The following COL4A1 variants were observed in gnomAD, a reference collection of about 807,000 sequenced individuals.
The protein encoded by COL4A1 is collagen type IV alpha 1 chain, also known as collagen alpha-1(IV) chain.
A neutral mutation model predicts 216.6 loss-of-function variants in COL4A1; 40 were observed. The observed-to-expected ratio is 0.18, with a 90% CI of 0.14 to 0.24. COL4A1 has a LOEUF of 0.24. COL4A1 is among the 10% of genes least tolerant of loss of function. COL4A1 has a pLI of 1.00. For missense variants in COL4A1, 1,628 were observed against 2,196.8 expected (o/e 0.74, Z 5.18); for synonymous variants, 839 against 810.7 (o/e 1.03, Z -0.59).
At chr13:110,233,217 C>T (rs762017514) in intron 2 of COL4A1, among the ~76,000 whole-genome samples, 2 of 152,092 alleles carry the variant, frequency 1.3e-5, no homozygotes, top group Non-Finnish European at 2.9e-5. Flanking sequence ...AATGTGGGAA[C>T]GCACACTGAT....
chr13:110,294,419 C>T (rs964609776), intron 1 of COL4A1, among the ~76,000 whole-genome samples: 1 of 152,214 alleles, frequency 6.6e-6, no homozygotes, highest in Non-Finnish European at 1.5e-5. Context: ...CTGTCCACAG[C>T]CTCCCTCCCA....
chr13:110,234,398 AT>A (rs1189960115), intron 2 of COL4A1, among the ~76,000 whole-genome samples: 1 of 152,144 alleles, frequency 6.6e-6, no homozygotes, highest in African/African-American at 2.4e-5. Flanking sequence ...CCTGGCCAAC[AT>A]GGTGAAACCC....
chr13:110,216,562 C>T (rs576005051), intron 2 of COL4A1, among the ~76,000 whole-genome samples: 27 of 152,274 alleles, frequency 1.8e-4, no homozygotes, highest in African/African-American at 6.0e-4. Flanking sequence ...TGGGCAGTAT[C>T]GCCATGAGAC....
intron 20 of COL4A1, 57 bp from the exon 21 acceptor site, chr13:110,198,688 A>T (rs1198327119): frequency 6.2e-7 from 1 of 1,604,548 alleles, no homozygotes; most frequent in African/African-American, 1.3e-5. Flanking sequence ...CAACTACAGC[A>T]TAAACTCATT....
intron 40 of COL4A1, 127 bp downstream of exon 40, chr13:110,173,773 T>C: frequency 9.9e-7 from 1 of 1,013,018 alleles, no homozygotes; most frequent in Non-Finnish European, 1.5e-6. Flanking sequence ...AGTGTTTAAG[T>C]AGTTGCAGGG....
intron 39 of COL4A1, 46 bp from the exon 40 acceptor site, chr13:110,174,044 C>T (rs1877764249): frequency 6.3e-7 from 1 of 1,599,470 alleles, no homozygotes; most frequent in Non-Finnish European, 8.6e-7. Context: ...CCTCTCACAG[C>T]ACCCTAGCTG....
chr13:110,302,743 A>C (rs1884544383), intron 1 of COL4A1, among the ~76,000 whole-genome samples: 1 of 152,230 alleles, frequency 6.6e-6, no homozygotes, highest in Non-Finnish European at 1.5e-5. Context: ...TTTTCATTGT[A>C]TGCATAAGAA....
At chr13:110,199,210 G>A (rs1259726839) in intron 20 of COL4A1, among the ~76,000 whole-genome samples, 1 of 152,242 alleles carries the variant, frequency 6.6e-6, no homozygotes, top group Non-Finnish European at 1.5e-5. Context: ...TTGAGAGAGT[G>A]GTGGTGCAGG....
chr13:110,195,242 G>T (rs568964025), intron 21 of COL4A1, 124 bp from the exon 22 acceptor site: 1 of 819,006 alleles, frequency 1.2e-6, no homozygotes, highest in Non-Finnish European at 2.1e-6. Context: ...TTCAGCTTTA[G>T]TTTGTTTCAA....
In COL4A1 at chr13:110,205,476, C is replaced by T. The variant is rs482757; in HGVS notation, c.903+18G>A. The T allele has an allele frequency of 0.63, 1,017,195 of 1,612,206 alleles. 325,047 individuals carry two copies. Among genetic ancestry groups the T allele is most frequent in the East Asian group, 0.77 (34,681 of 44,868 alleles). ...GGAACAGTGAGCCTGCTTGTAAAAA[C>T]CACAGAGAAACACTTACGGGACTCC... On this transcript the variant is annotated intron_variant, in intron 16 of 51. Transcript: ENST00000375820.
chr13:110,220,793 G>T (rs16975624), intron 2 of COL4A1, among the ~76,000 whole-genome samples: 4 of 152,064 alleles, frequency 2.6e-5, no homozygotes, highest in Non-Finnish European at 4.4e-5. Flanking sequence ...TCTCCTGGCC[G>T]AAAGAACAGT....
chr13:110,252,264 A>G (rs1277220898), intron 1 of COL4A1, among the ~76,000 whole-genome samples: 16 of 151,628 alleles, frequency 1.1e-4, no homozygotes, highest in Admixed American at 2.6e-4. Flanking sequence ...CCTCAGGTGA[A>G]CCACCCACCT....
Position 110,174,484 on chromosome 13 carries a change from G to C in COL4A1, c.3368C>G (p.Pro1123Arg). 1 of 1,614,104 alleles carries C rather than the reference G, an allele frequency of 6.2e-7. No homozygotes were observed. Among genetic ancestry groups the C allele is most frequent in the Non-Finnish European group, 8.5e-7 (1 of 1,180,018 alleles). ...GACACCAGGGATGCCATCCAATCCT[G>C]GGAGGCCTTTGTCACCTTTTTCTCC... ...LPGEKGDKGLPGLDGIPGVKG... is the reference protein window; with the variant it reads ...LPGEKGDKGLRGLDGIPGVKG... The change falls in exon 39 of 52, where the codon CCA becomes CGA. Residue 1123 changes from proline (P) to arginine (R), a missense_variant. Physicochemically the swap from Pro to Arg is moderately radical, Grantham distance 103. Coordinates refer to ENST00000375820, the MANE Select transcript of COL4A1 (RefSeq NM_001845.6).
intron 37 of COL4A1, 49 bp downstream of exon 37, chr13:110,175,169 C>T: frequency 6.2e-7 from 1 of 1,610,476 alleles, no homozygotes; most frequent in Non-Finnish European, 8.5e-7. Context: ...CAGGCAGCAT[C>T]TCCACTGAGC....
chr13:110,170,113 A>AGAAGGAAGGAAGGAAGGAAAGAAG (rs1566346532), intron 42 of COL4A1, among the ~76,000 whole-genome samples: 11 of 123,444 alleles, frequency 8.9e-5, no homozygotes, highest in Non-Finnish European at 1.7e-4. Flanking sequence ...AAGGGAGGAA[A>AGAAGGAAGGAAGGAAGGAAAGAAG]GAAGGAAGGA....
At chr13:110,236,796 G>A (rs546343275) in intron 2 of COL4A1, among the ~76,000 whole-genome samples, 1 of 152,328 alleles carries the variant, frequency 6.6e-6, no homozygotes, top group East Asian at 1.9e-4. Context: ...ACTTCAAAAT[G>A]CCTTCCCCTT....
chr13:110,161,308 G>A lies in COL4A1; in HGVS notation c.4524C>T (p.Asn1508=), dbSNP rs1262866337. ...STMPFLFCNI[N]NVCNFASRND... ...TTCGTGATGCAAAGTTGCACACGTTGTTAATATTGCAGAACAGGAAGGGCA... is the reference window on the plus strand; with the variant it reads ...TTCGTGATGCAAAGTTGCACACGTTATTAATATTGCAGAACAGGAAGGGCA... The change falls in exon 49 of 52, where the codon AAC becomes AAT. Residue 1508 remains asparagine (N), a synonymous_variant. Coordinates refer to ENST00000375820, the MANE Select transcript of COL4A1 (RefSeq NM_001845.6). The A allele has an allele frequency of 6.2e-7, 1 of 1,614,246 alleles. No homozygotes were observed. The highest frequency in any genetic ancestry group is 8.5e-7 in the Non-Finnish European group (1 of 1,180,046).
intron 1 of COL4A1, among the ~76,000 whole-genome samples, chr13:110,261,566 A>G (rs1882830593): frequency 6.6e-6 from 1 of 152,200 alleles, no homozygotes; most frequent in Admixed American, 6.5e-5. Context: ...ACTGAAGATA[A>G]GAAGGAAGAC....
rs1028725684 is a variant in COL4A1 at position 110,195,175 on chromosome 13, A to T, written c.1286-57T>A. 6.3e-5 allele frequency: 90 copies of T among 1,436,158 alleles called. No individual in the cohort carries two copies. In the African/African-American group the frequency reaches 1.1e-3, roughly 17 times the overall value. The allele number at this position is 1,436,158 out of a possible 1,614,324, so 89.0% of individuals were successfully genotyped here. ...TAGCTAGGTGTTTTTACCCTCTCCTAACTCAACCTCTATTATAAAACCAAA... is the reference window on the plus strand; with the variant it reads ...TAGCTAGGTGTTTTTACCCTCTCCTTACTCAACCTCTATTATAAAACCAAA... On this transcript the variant is annotated intron_variant, in intron 21 of 51. Coordinates refer to ENST00000375820, the MANE Select transcript of COL4A1 (RefSeq NM_001845.6).
Sources: allele counts gnomAD v4.1 joint callset (sites outside exome capture counted in the v4.1 genomes callset), GRCh38; gene constraint gnomAD v4.1.1; transcripts MANE v1.5; gene names NCBI Gene and HGNC (gene_info 2026-07-23, HGNC 2026-07-21).